Variants in FBXO41 observed in about 807,000 individuals in gnomAD.
FBXO41 encodes the protein F-box protein 41.
Under a neutral mutation model 81.6 loss-of-function variants are expected in FBXO41, and 33 were observed. The observed-to-expected ratio is 0.40, with a 90% CI of 0.31 to 0.54. FBXO41 has a LOEUF of 0.54. FBXO41 is among the 20% of genes least tolerant of loss of function. The pLI is 0.39. For missense variants in FBXO41, 1,107 were observed against 1,236.0 expected, an observed-to-expected ratio of 0.90 and a Z score of 1.56; for synonymous variants, 576 against 552.7, an observed-to-expected ratio of 1.04 and a Z score of -0.59.
rs1197301286 is a variant in FBXO41 at position 73,257,604 on chromosome 2, G to A, written c.*1378C>T. The A allele has an allele frequency of 2.6e-5, 4 of 152,208 alleles. No homozygotes were observed. Among genetic ancestry groups the A allele is most frequent in the South Asian group, 2.1e-4 (1 of 4,826 alleles). 9.4% of individuals were successfully genotyped at this position (152,208 alleles called of 1,614,324 possible). On this transcript the variant is annotated 3_prime_UTR_variant, in exon 13 of 13. Coordinates refer to ENST00000520530, the MANE Select transcript of FBXO41 (RefSeq NM_001371389.2). The surrounding 1 kb of genome is among the most constrained non-coding windows in gnomAD (Gnocchi z 4.6). ...TAAGATAGATCTAGTTTAGATGTTC[G>A]AAAGAACTTTCCAAATGAAAGTTGG... is the stretch of plus-strand genomic sequence containing the variant.
chr2:73,266,456 C>G lies in FBXO41; in HGVS notation c.1131+1G>C. 6.7e-7 allele frequency: 1 copy of G among 1,499,198 alleles called. No individual in the cohort carries two copies. The highest frequency in any genetic ancestry group is 9.0e-7 in the Non-Finnish European group (1 of 1,116,404). 92.9% of individuals were successfully genotyped at this position (1,499,198 alleles called of 1,614,324 possible). A position where few individuals can be genotyped will look rare whatever the true frequency, so the allele number is the denominator to read the frequency against. On this transcript the variant is annotated splice_donor_variant, in intron 3 of 12. Transcript: ENST00000520530. LOFTEE classifies it high-confidence loss of function. The surrounding 1 kb of genome is among the most constrained non-coding windows in gnomAD (Gnocchi z 5.3). ...AGGAGGGAAGGCAGGTGGGCACTCA[C>G]CATTCTGCCTGGGCCCCGGGCATTG...
chr2:73,266,070 G>T lies in FBXO41; in HGVS notation c.1132-104C>A. 1.0e-6 allele frequency: 1 copy of T among 985,912 alleles called. No homozygotes were observed. The highest frequency in any genetic ancestry group is 1.5e-5 in the South Asian group (1 of 65,966). The allele number at this position is 985,912 out of a possible 1,614,324, so 61.1% of individuals were successfully genotyped here. A position where few individuals can be genotyped will look rare whatever the true frequency, so the allele number is the denominator to read the frequency against. On this transcript the variant is annotated intron_variant, in intron 3 of 12. Coordinates refer to ENST00000520530, the MANE Select transcript of FBXO41 (RefSeq NM_001371389.2). The surrounding 1 kb of genome is among the most constrained non-coding windows in gnomAD (Gnocchi z 5.3). ...GGCAAAAGATGGAGAGGAGATGGGGGAGAGGAGAGAGAAGGGAAAATAGTT... is the reference window on the plus strand; with the variant it reads ...GGCAAAAGATGGAGAGGAGATGGGGTAGAGGAGAGAGAAGGGAAAATAGTT...
At chr2:73,268,646 C>G in intron 2 of FBXO41, 80 bp downstream of exon 2, 1 of 1,362,996 alleles carries the variant, frequency 7.3e-7, no homozygotes, top group South Asian at 1.5e-5. Flanking sequence ...CAGACACACT[C>G]AGGCACGCCC....
rs770746297 is a variant in FBXO41 at position 73,265,883 on chromosome 2, C to A, written c.1205+10G>T. 6.3e-7 allele frequency: 1 copy of A among 1,579,452 alleles called. No homozygotes were observed. The highest frequency in any genetic ancestry group is 1.2e-5 in the South Asian group (1 of 85,944). ...TGGGCTGCATGGGGTGGGCTGGGCC[C>A]AAGGCTTACCCTGTGCTCGGAGAGG... On this transcript the variant is annotated intron_variant, in intron 4 of 12. Coordinates refer to ENST00000520530, the MANE Select transcript of FBXO41 (RefSeq NM_001371389.2).
chr2:73,269,221 A>G lies in FBXO41; in HGVS notation c.410T>C (p.Leu137Pro). The G allele has an allele frequency of 6.6e-7, 1 of 1,524,850 alleles. No individual in the cohort carries two copies. The highest frequency in any genetic ancestry group is 8.8e-7 in the Non-Finnish European group (1 of 1,137,706). The allele number at this position is 1,524,850 out of a possible 1,614,324, so 94.5% of individuals were successfully genotyped here. A position where few individuals can be genotyped will look rare whatever the true frequency, so the allele number is the denominator to read the frequency against. The change falls in exon 2 of 13, where the codon CTT becomes CCT. Residue 137 changes from leucine to proline, a missense_variant. Physicochemically the swap from Leu to Pro is moderately conservative, Grantham distance 98 (BLOSUM62 -3). Transcript: ENST00000520530. The surrounding 1 kb of genome is among the most constrained non-coding windows in gnomAD (Gnocchi z 7.0). ...LPCEELAEPG[L>P]VPAAAARYAL... ...ATAGCGCGCTGCTGCGGCGGGCACA[A>G]GGCCCGGCTCGGCCAACTCCTCACA...
In FBXO41 at chr2:73,284,328, G is replaced by A. The variant is rs1226451198; in HGVS notation, c.-307C>T. On this transcript the variant is annotated 5_prime_UTR_variant, in exon 1 of 13. Transcript: ENST00000520530. This position sits in a 1 kb window ranked among gnomAD's most constrained non-coding sequence, Gnocchi z 7.4. ...AGCGCCCCCGCCTCCCTCTCGGGGCGGGGGCGGCCGAACCTCCCAGCCAGT... is the reference window on the plus strand; with the variant it reads ...AGCGCCCCCGCCTCCCTCTCGGGGCAGGGGCGGCCGAACCTCCCAGCCAGT... 3 of 152,076 alleles carry A rather than the reference G, an allele frequency of 2.0e-5. No individual in the cohort carries two copies. The allele number at this position is 152,076 out of a possible 1,614,324, so 9.4% of individuals were successfully genotyped here.
In FBXO41 at chr2:73,263,952, A is replaced by G. The variant is rs1314095865; in HGVS notation, c.1908T>C (p.Tyr636=). 17 of 1,610,322 alleles carry G rather than the reference A, an allele frequency of 1.1e-5. No homozygotes were observed. Among genetic ancestry groups the G allele is most frequent in the Non-Finnish European group, 1.4e-5 (17 of 1,178,274 alleles). The change falls in exon 7 of 13, where the codon TAT becomes TAC. Residue 636 remains tyrosine (Y), a synonymous_variant. Coordinates refer to ENST00000520530, the MANE Select transcript of FBXO41 (RefSeq NM_001371389.2). ...QRGKKESKEE[Y]ARSTRGCLEA... ...GCAGGCCTCACCGGGTGCTCCGGGC[A>G]TACTCCTCCTTGCTCTCCTTCTTTC...
At chr2:73,264,195 G>A in intron 6 of FBXO41, 83 bp downstream of exon 6, 1 of 1,596,938 alleles carries the variant, frequency 6.3e-7, no homozygotes, top group Non-Finnish European at 8.5e-7. Context: ...GGGTTGCAAG[G>A]ACCAGACCTC....
Position 73,260,469 on chromosome 2 carries a change from C to A in FBXO41, c.2369G>T (p.Cys790Phe). ...CTCCAGTCCCTTCAGGCCTTCCCGGCAGACCTCTGCTGCCACCTCCTGGGT... is the reference window on the plus strand; with the variant it reads ...CTCCAGTCCCTTCAGGCCTTCCCGGAAGACCTCTGCTGCCACCTCCTGGGT... Reference protein sequence around the residue: ...EITQEVAAEVCREGLKGLEML... With the variant: ...EITQEVAAEVFREGLKGLEML... Residue 790 changes from cysteine to phenylalanine, a missense_variant, in exon 11 of 13, where the codon TGC (cysteine) becomes TTC (phenylalanine). Physicochemically the swap from Cys to Phe is radical, Grantham distance 205. Transcript: ENST00000520530. This position sits in a 1 kb window ranked among gnomAD's most constrained non-coding sequence, Gnocchi z 5.0. The A allele has an allele frequency of 6.2e-7, 1 of 1,606,118 alleles. No homozygotes were observed. Among genetic ancestry groups the A allele is most frequent in the Non-Finnish European group, 8.5e-7 (1 of 1,176,450 alleles).
intron 1 of FBXO41, among the ~76,000 whole-genome samples, chr2:73,280,638 G>A (rs971443049): frequency 1.4e-4 from 21 of 152,218 alleles, no homozygotes; most frequent in Non-Finnish European, 5.9e-5. Context: ...TGCAGGCCCA[G>A]CTCAAATGCT....
intron 5 of FBXO41, 82 bp from the exon 6 acceptor site, chr2:73,264,601 A>G: frequency 6.4e-7 from 1 of 1,569,540 alleles, no homozygotes; most frequent in Non-Finnish European, 8.6e-7. Flanking sequence ...GGGGCAGGGT[A>G]GGATCTGCAG....
chr2:73,266,065 T>TG lies in FBXO41; in HGVS notation c.1132-100dup. 1 of 977,872 alleles carries TG rather than the reference T, an allele frequency of 1.0e-6. No homozygotes were observed. The allele number at this position is 977,872 out of a possible 1,614,324, so 60.6% of individuals were successfully genotyped here. The stretch of plus-strand genomic sequence containing the variant: ...AACAGGGCAAAAGATGGAGAGGAGA[T>TG]GGGGGAGAGGAGAGAGAAGGGAAAA... On this transcript the variant is annotated intron_variant, in intron 3 of 12. Coordinates refer to ENST00000520530, the MANE Select transcript of FBXO41 (RefSeq NM_001371389.2). This position sits in a 1 kb window ranked among gnomAD's most constrained non-coding sequence, Gnocchi z 5.3.
chr2:73,268,291 G>A (rs539039170), intron 2 of FBXO41, among the ~76,000 whole-genome samples: 1 of 152,306 alleles, frequency 6.6e-6, no homozygotes, highest in Non-Finnish European at 1.5e-5. Flanking sequence ...TTTTCTGTAA[G>A]GAGGAGAGAA....
chr2:73,257,084 C>T lies in FBXO41; in HGVS notation c.*1898G>A, dbSNP rs1687841435. 6.5e-6 allele frequency: 1 copy of T among 152,896 alleles called. No individual in the cohort carries two copies. Among genetic ancestry groups the T allele is most frequent in the Admixed American group, 6.5e-5 (1 of 15,292 alleles). 9.5% of individuals were successfully genotyped at this position (152,896 alleles called of 1,614,324 possible). ...CAGGCCCTTACTGGACCTCCACCTCCCTTCCAGGCCTCTGGAGGAGAGGAA... is the reference window on the plus strand; with the variant it reads ...CAGGCCCTTACTGGACCTCCACCTCTCTTCCAGGCCTCTGGAGGAGAGGAA... On this transcript the variant is annotated 3_prime_UTR_variant, in exon 13 of 13. Transcript: ENST00000520530. This position sits in a 1 kb window ranked among gnomAD's most constrained non-coding sequence, Gnocchi z 4.6.
rs1687989995 is a variant in FBXO41 at position 73,260,796 on chromosome 2, A to C, written c.2234T>G (p.Leu745Arg). 6.4e-7 allele frequency: 1 copy of C among 1,567,682 alleles called. No homozygotes were observed. The highest frequency in any genetic ancestry group is 1.2e-5 in the South Asian group (1 of 85,346). Residue 745 changes from leucine (L) to arginine (R), a missense_variant, in exon 10 of 13, where the codon CTG becomes CGG. Physicochemically the swap from Leu to Arg is moderately radical, Grantham distance 102 (BLOSUM62 -2). Transcript: ENST00000520530. The surrounding 1 kb of genome is among the most constrained non-coding windows in gnomAD (Gnocchi z 5.0). Reference protein sequence around the residue: ...LQMIGRCWPHLRALGVGGAGC... With the variant: ...LQMIGRCWPHRRALGVGGAGC... ...GGCACCCCCGACCCCCAGGGCCCGC[A>C]GGTGGGGCCAACAGCGACCAATCAT...
In FBXO41 at chr2:73,255,670, G is replaced by A. The variant is rs949472516; in HGVS notation, c.*3312C>T. 2.6e-5 allele frequency: 4 copies of A among 152,616 alleles called. No homozygotes were observed. The highest frequency in any genetic ancestry group is 4.8e-5 in the African/African-American group (2 of 41,442). 9.5% of individuals were successfully genotyped at this position (152,616 alleles called of 1,614,324 possible). ...CTGGGAAGGCCTCCTTCAACTTAGCGCCTTAGAGGGATTGGGGCCCGGGTG... is the reference window on the plus strand; with the variant it reads ...CTGGGAAGGCCTCCTTCAACTTAGCACCTTAGAGGGATTGGGGCCCGGGTG... On this transcript the variant is annotated 3_prime_UTR_variant, in exon 13 of 13. Transcript: ENST00000520530.
intron 9 of FBXO41, among the ~76,000 whole-genome samples, chr2:73,262,322 A>C (rs1276340574): frequency 1.3e-5 from 2 of 152,016 alleles, no homozygotes; most frequent in Admixed American, 1.3e-4. Flanking sequence ...GCAGTGACAC[A>C]CTCTACCCAG....
chr2:73,266,525 T>A lies in FBXO41; in HGVS notation c.1063A>T (p.Ser355Cys). 6.2e-7 allele frequency: 1 copy of A among 1,604,726 alleles called. No individual in the cohort carries two copies. Among genetic ancestry groups the A allele is most frequent in the Non-Finnish European group, 8.5e-7 (1 of 1,176,786 alleles). ...VISSSCGSTP[S>C]ASLGRGGGGG... ...CCACCTCCACGGCCCAGGCTGGCGC[T>A]GGGCGTGCTGCCACAGCTGCTGCTG... The change falls in exon 3 of 13, where the codon AGC becomes TGC. Residue 355 changes from serine (S) to cysteine (C), a missense_variant. This residue lies in a region of FBXO41 where 771 missense variants were observed against 789.2 expected (regional missense o/e 0.98). Coordinates refer to ENST00000520530, the MANE Select transcript of FBXO41 (RefSeq NM_001371389.2). This position sits in a 1 kb window ranked among gnomAD's most constrained non-coding sequence, Gnocchi z 5.3.
chr2:73,274,999 C>T (rs540517782), intron 1 of FBXO41, among the ~76,000 whole-genome samples: 76 of 152,084 alleles, frequency 5.0e-4, no homozygotes, highest in Middle Eastern at 3.4e-3. Flanking sequence ...ACGCCATTCT[C>T]CTGCCTCAGC....
Sources: gnomAD v4.1 joint callset for allele counts (sites outside exome capture counted in the v4.1 genomes callset) on GRCh38, gnomAD v4.1.1 for gene constraint, gnomAD v4.1.1 regional missense constraint, Gnocchi (gnomAD v3.1) non-coding constraint, MANE v1.5 for transcripts, NCBI Gene and HGNC (gene_info 2026-07-23, HGNC 2026-07-21) for gene names.